Variants in CNTN3 observed in about 807,000 individuals in gnomAD.
CNTN3 encodes contactin-3.
A neutral mutation model predicts 119.1 loss-of-function variants in CNTN3; 60 were observed. The ratio of observed to expected loss-of-function variants is 0.50; its 90% CI spans 0.41 to 0.62. The LOEUF (loss-of-function observed/expected upper bound fraction) is 0.62. Among genes scored for constraint, CNTN3 ranks in the 20% least tolerant of loss-of-function variants. CNTN3 has a pLI of 0.00. For synonymous variants in CNTN3, 450 were observed against 438.7 expected, an observed-to-expected ratio of 1.03 and a Z score of -0.32; for missense variants, 1,101 against 1,242.4, an observed-to-expected ratio of 0.89 and a Z score of 1.71.
intron 4 of CNTN3, among the ~76,000 whole-genome samples, chr3:74,425,241 C>T (rs1474874381): frequency 1.3e-5 from 2 of 152,108 alleles, no homozygotes; most frequent in East Asian, 3.9e-4. Context: ...CCTCTCCCTT[C>T]CTCCCCACTG....
intron 2 of CNTN3, among the ~76,000 whole-genome samples, chr3:74,515,109 T>C (rs1020059387): frequency 1.3e-5 from 2 of 152,006 alleles, no homozygotes; most frequent in African/African-American, 4.8e-5. Flanking sequence ...CTCTAGTTAA[T>C]AGAGGAAGGG....
At chr3:74,551,295 G>A (rs1703986262) in intron 1 of CNTN3, among the ~76,000 whole-genome samples, 1 of 152,156 alleles carries the variant, frequency 6.6e-6, no homozygotes, top group Admixed American at 6.5e-5. Context: ...CTGATAAAGA[G>A]GTATAGGGTC....
chr3:74,354,074 CT>C (rs1238583777), intron 11 of CNTN3, among the ~76,000 whole-genome samples: 1 of 152,066 alleles, frequency 6.6e-6, no homozygotes, highest in African/African-American at 2.4e-5. Flanking sequence ...TTAATGCCAG[CT>C]TTTATCTATG....
intron 2 of CNTN3, among the ~76,000 whole-genome samples, chr3:74,518,533 C>T (rs941538776): frequency 2.0e-5 from 3 of 151,884 alleles, no homozygotes; most frequent in African/African-American, 4.8e-5. Context: ...CGAAGTGCCA[C>T]ATCCAACACC....
chr3:74,307,061 A>G (rs1156469762), intron 13 of CNTN3, among the ~76,000 whole-genome samples: 1 of 152,172 alleles, frequency 6.6e-6, no homozygotes, highest in African/African-American at 2.4e-5. Context: ...GAAGTTGTCC[A>G]GGAAAAGTGG....
intron 4 of CNTN3, among the ~76,000 whole-genome samples, chr3:74,477,416 C>A (rs925924461): frequency 6.6e-6 from 1 of 152,054 alleles, no homozygotes; most frequent in Admixed American, 6.6e-5. Context: ...CAGTACTGAC[C>A]AGCAAGAGGG....
intron 1 of CNTN3, among the ~76,000 whole-genome samples, chr3:74,555,251 C>T (rs1187873643): frequency 1.3e-5 from 2 of 152,106 alleles, no homozygotes; most frequent in Admixed American, 1.3e-4. Context: ...TCTTGCATTC[C>T]AGGTAGGAAG....
chr3:74,543,609 T>G (rs1703872041), intron 1 of CNTN3, among the ~76,000 whole-genome samples: 1 of 152,210 alleles, frequency 6.6e-6, no homozygotes, highest in African/African-American at 2.4e-5. Context: ...AGATCTTCAG[T>G]ATTATTTTCC....
chr3:74,326,072 T>C (rs1036875490), intron 13 of CNTN3, among the ~76,000 whole-genome samples: 2 of 152,188 alleles, frequency 1.3e-5, no homozygotes, highest in South Asian at 2.1e-4. Context: ...AATCTTGTAA[T>C]GTGTGCCTGC....
chr3:74,549,302 G>T (rs980410479), intron 1 of CNTN3, among the ~76,000 whole-genome samples: 21 of 152,234 alleles, frequency 1.4e-4, no homozygotes, highest in South Asian at 8.3e-4. Flanking sequence ...CTTCCGTCAC[G>T]ATTGTAAGTT....
chr3:74,323,581 T>A (rs903475532), intron 13 of CNTN3, among the ~76,000 whole-genome samples: 11 of 152,174 alleles, frequency 7.2e-5, no homozygotes, highest in African/African-American at 2.7e-4. Flanking sequence ...ATACTTTAAG[T>A]GGATACATTG....
intron 13 of CNTN3, among the ~76,000 whole-genome samples, chr3:74,313,549 C>T (rs1214753281): frequency 6.6e-6 from 1 of 152,136 alleles, no homozygotes. Flanking sequence ...TTAGAAATCA[C>T]TGACATGAGG....
intron 1 of CNTN3, among the ~76,000 whole-genome samples, chr3:74,596,123 T>G (rs1186997332): frequency 6.6e-6 from 1 of 152,054 alleles, no homozygotes; most frequent in Non-Finnish European, 1.5e-5. Context: ...GGAATCCAAC[T>G]TACAAGGGAC....
At chr3:74,569,367 T>C (rs898744248) in intron 1 of CNTN3, among the ~76,000 whole-genome samples, 2 of 151,446 alleles carry the variant, frequency 1.3e-5, no homozygotes, top group African/African-American at 4.9e-5. Flanking sequence ...CTATGGGGTG[T>C]AATCTACACT....
rs546692440 is a variant in CNTN3, at chr3:74,451,570, T to C, written c.359-26630A>G. Among the ~76,000 whole-genome samples, 1,331 of 152,324 alleles carry C rather than the reference T, an allele frequency of 8.7e-3. 15 individuals carry two copies. Among genetic ancestry groups the C allele is most frequent in the African/African-American group, 0.03 (1,265 of 41,574 alleles). ...TTTGTTGCCATTGCTTTTGGTGTTT[T>C]AGACATGAAGTCCTTGCCCGTGCCT... On this transcript the variant is annotated intron_variant, in intron 4 of 22. Transcript: ENST00000263665.
chr3:74,413,929 C>T (rs1701478189), intron 5 of CNTN3, among the ~76,000 whole-genome samples: 1 of 152,174 alleles, frequency 6.6e-6, no homozygotes, highest in East Asian at 1.9e-4. Flanking sequence ...CAGGCACAGA[C>T]ACACAATAAC....
At chr3:74,569,463 T>C (rs1245878734) in intron 1 of CNTN3, among the ~76,000 whole-genome samples, 1 of 152,166 alleles carries the variant, frequency 6.6e-6, no homozygotes, top group Non-Finnish European at 1.5e-5. Flanking sequence ...TCTCGCGTTA[T>C]AAAACTGCCC....
At chr3:74,460,513 G>C (rs1443957292) in intron 4 of CNTN3, among the ~76,000 whole-genome samples, 1 of 151,650 alleles carries the variant, frequency 6.6e-6, no homozygotes, top group African/African-American at 2.4e-5. Flanking sequence ...GTTTGGTTAA[G>C]TGTATACCTA....
At chr3:74,321,611 G>T (rs1481480387) in intron 13 of CNTN3, among the ~76,000 whole-genome samples, 1 of 152,064 alleles carries the variant, frequency 6.6e-6, no homozygotes, top group Non-Finnish European at 1.5e-5. Flanking sequence ...AGCAAAAGCT[G>T]ATTCTTTGAA....
Sources: allele counts gnomAD v4.1 joint callset (sites outside exome capture counted in the v4.1 genomes callset), GRCh38; gene constraint gnomAD v4.1.1; transcripts MANE v1.5; gene names NCBI Gene and HGNC (gene_info 2026-07-23, HGNC 2026-07-21).